The following ZNF462 variants were observed in gnomAD, a reference collection of about 807,000 sequenced individuals.
ZNF462 encodes the protein zinc finger protein 462.
In ZNF462, 10 loss-of-function variants were observed where a neutral mutation model predicts 201.9. The observed-to-expected ratio is 0.05, with a 90% confidence interval of 0.03 to 0.08. ZNF462 has a LOEUF of 0.08. Ranked by LOEUF, ZNF462 falls within the 10% of genes least tolerant of loss-of-function variation. The pLI is 1.00. For synonymous variants in ZNF462, 1,227 were observed against 1,193.3 expected (o/e 1.03, Z -0.58); for missense variants, 2,523 against 3,168.3 (o/e 0.80, Z 4.89).
Position 106,905,149 on chromosome 9 carries a change from T to C in ZNF462, c.-30-18205T>C, listed in dbSNP as rs1829215608. ...GTGTAGTACTCTCCCCCTTTTCCTA[T>C]GGATGTGGCTTCCTATGAGCCAAAC... is the stretch of plus-strand genomic sequence containing the variant. On this transcript the variant is annotated intron_variant, in intron 1 of 12. Transcript: ENST00000277225. This position sits in a 1 kb window ranked among gnomAD's most constrained non-coding sequence, Gnocchi z 5.9. Among the ~76,000 whole-genome samples the C allele has an allele frequency of 6.6e-6, 1 of 152,226 alleles. No homozygotes were observed.
At chr9:106,869,566 A>G (rs1484109645) in intron 1 of ZNF462, among the ~76,000 whole-genome samples, 1 of 152,218 alleles carries the variant, frequency 6.6e-6, no homozygotes, top group Non-Finnish European at 1.5e-5. Flanking sequence ...TTTTTAATCC[A>G]GGAGGCAGTC....
intron 1 of ZNF462, among the ~76,000 whole-genome samples, chr9:106,921,926 T>C (rs980768245): frequency 2.0e-5 from 3 of 152,124 alleles, no homozygotes; most frequent in African/African-American, 7.2e-5. Context: ...AAGGATAAAT[T>C]GCTGGGTGAA....
In ZNF462 at chr9:106,925,672, A is replaced by C; in HGVS notation, c.1760A>C (p.Gln587Pro). 6.2e-7 allele frequency: 1 copy of C among 1,614,116 alleles called. No homozygotes were observed. The highest frequency in any genetic ancestry group is 8.5e-7 in the Non-Finnish European group (1 of 1,180,002). The change falls in exon 3 of 13, where the codon CAG becomes CCG. Residue 587 changes from glutamine (Q) to proline (P), a missense_variant. Coordinates refer to ENST00000277225, the MANE Select transcript of ZNF462 (RefSeq NM_021224.6). This position sits in a 1 kb window ranked among gnomAD's most constrained non-coding sequence, Gnocchi z 7.9. ...CAAACACAGCCACCACCAACGCAGC[A>C]GCCACAGCCACCCACACAAGCCGCA... ...QPQTQPPPTQ[Q>P]PQPPTQAAPL... is the part of the protein sequence containing the mutation.
intron 1 of ZNF462, among the ~76,000 whole-genome samples, chr9:106,899,395 G>T (rs1828961328): frequency 6.6e-6 from 1 of 152,178 alleles, no homozygotes; most frequent in Non-Finnish European, 1.5e-5. Flanking sequence ...AGTGAGGACT[G>T]ACTCAAGAGC....
At chr9:106,943,002 G>T (rs1475441863) in intron 7 of ZNF462, among the ~76,000 whole-genome samples, 2 of 151,752 alleles carry the variant, frequency 1.3e-5, no homozygotes, top group Non-Finnish European at 2.9e-5. Flanking sequence ...ACAAAAATCA[G>T]ACCAGGTGCA....
intron 6 of ZNF462, among the ~76,000 whole-genome samples, chr9:106,936,856 G>A (rs1189574748): frequency 6.6e-6 from 1 of 152,210 alleles, no homozygotes; most frequent in East Asian, 1.9e-4. Context: ...GTATTAAGCT[G>A]AAGTGTCTGC....
rs1310101632 is a variant in ZNF462, at chr9:106,995,858, C to T, written c.7057-7436C>T. 2.6e-5 allele frequency among the ~76,000 whole-genome samples: 4 copies of T among 152,160 alleles called. No homozygotes were observed. In the East Asian group the frequency reaches 7.7e-4, roughly 29 times the overall value. On this transcript the variant is annotated intron_variant, in intron 10 of 12. Transcript: ENST00000277225. ...TACTTTAAGTTCTAGGGTACATGTG[C>T]ACAACGTGCAGGTTTGTCACATAGG...
rs1330239416 is a variant in ZNF462 at position 106,950,780 on chromosome 9, A to G, written c.6427+11673A>G. On this transcript the variant is annotated intron_variant, in intron 7 of 12. Transcript: ENST00000277225. The surrounding 1 kb of genome is among the most constrained non-coding windows in gnomAD (Gnocchi z 4.1). ...TATCTCCATAACGGAAGTCTGGAAA[A>G]CAATAACTCTTTAAAAAATTAAGTT... Among the ~76,000 whole-genome samples, 9 of 152,304 alleles carry G rather than the reference A, an allele frequency of 5.9e-5. No homozygotes were observed. In the East Asian group the frequency reaches 1.3e-3, roughly 23 times the overall value.
Position 106,932,759 on chromosome 9 carries a change from G to T in ZNF462, c.6116+210G>T. 3.1e-6 allele frequency: 2 copies of T among 638,198 alleles called. No homozygotes were observed. Among genetic ancestry groups the T allele is most frequent in the Admixed American group, 6.0e-5 (2 of 33,338 alleles). 39.5% of individuals were successfully genotyped at this position (638,198 alleles called of 1,614,324 possible). Reference sequence around the variant, plus strand: ...ATGGCGTTAGATTTGGCAAATGCAGGCATTTTAAAAATGAGAATTGGAGGA... The same window carrying T: ...ATGGCGTTAGATTTGGCAAATGCAGTCATTTTAAAAATGAGAATTGGAGGA... On this transcript the variant is annotated intron_variant, in intron 5 of 12. Transcript: ENST00000277225. The surrounding 1 kb of genome is among the most constrained non-coding windows in gnomAD (Gnocchi z 6.8).
intron 1 of ZNF462, among the ~76,000 whole-genome samples, chr9:106,907,924 C>T (rs1278626755): frequency 6.6e-6 from 1 of 151,980 alleles, no homozygotes; most frequent in African/African-American, 2.4e-5. Flanking sequence ...AAAAGTCATA[C>T]TCTACTGGTG....
intron 1 of ZNF462, among the ~76,000 whole-genome samples, chr9:106,901,079 T>C (rs935088621): frequency 3.3e-5 from 5 of 152,176 alleles, no homozygotes; most frequent in Admixed American, 6.5e-5. Flanking sequence ...TAAGAGATGA[T>C]CCAGTTTCAT....
At chr9:106,961,789 G>A (rs920314385) in intron 7 of ZNF462, among the ~76,000 whole-genome samples, 2 of 151,968 alleles carry the variant, frequency 1.3e-5, no homozygotes, top group South Asian at 2.1e-4. Context: ...TTTAATATGT[G>A]TATCTAGAAG....
Position 106,981,230 on chromosome 9 carries a change from C to T in ZNF462, c.6833-2956C>T, listed in dbSNP as rs1416541910. Reference sequence around the variant, plus strand: ...AGTTCAGCAGGGATTTGACCCTTTCCTCAAATGTAGAAGGTGCTTGAAAGA... The same window carrying T: ...AGTTCAGCAGGGATTTGACCCTTTCTTCAAATGTAGAAGGTGCTTGAAAGA... On this transcript the variant is annotated intron_variant, in intron 9 of 12. Transcript: ENST00000277225. This position sits in a 1 kb window ranked among gnomAD's most constrained non-coding sequence, Gnocchi z 4.0. Among the ~76,000 whole-genome samples, 1 of 152,152 alleles carries T rather than the reference C, an allele frequency of 6.6e-6. No homozygotes were observed. The highest frequency in any genetic ancestry group is 1.9e-4 in the East Asian group (1 of 5,200).
At position 106,926,565 on chromosome 9, in the gene ZNF462, G is replaced by T. The variant is rs1830200739; in HGVS notation, c.2653G>T (p.Val885Leu). Residue 885 changes from valine (V) to leucine (L), a missense_variant, in exon 3 of 13, where the codon GTG (valine) becomes TTG (leucine). Transcript: ENST00000277225. The surrounding 1 kb of genome is among the most constrained non-coding windows in gnomAD (Gnocchi z 7.9). The stretch of plus-strand genomic sequence containing the variant: ...CTTGGACCCCAATGATCACAGTGCA[G>T]TGTACAGGTGCCTGGAATGCTACAT... ...YILDPNDHSA[V>L]YRCLECYIDY... 6.2e-7 allele frequency: 1 copy of T among 1,614,030 alleles called. No homozygotes were observed. Among genetic ancestry groups the T allele is most frequent in the Non-Finnish European group, 8.5e-7 (1 of 1,180,034 alleles).
intron 1 of ZNF462, among the ~76,000 whole-genome samples, chr9:106,892,421 AT>A (rs1238013568): frequency 6.6e-6 from 1 of 152,152 alleles, no homozygotes; most frequent in African/African-American, 2.4e-5. Flanking sequence ...GCACATCCCC[AT>A]GCCCCACTCA....
intron 10 of ZNF462, among the ~76,000 whole-genome samples, chr9:106,999,616 G>T (rs1829025054): frequency 6.6e-6 from 1 of 152,166 alleles, no homozygotes; most frequent in South Asian, 2.1e-4. Context: ...GCATGAAGAA[G>T]TTGGATATAC....
Position 106,968,563 on chromosome 9 carries a change from G to A in ZNF462, c.6428-3442G>A, listed in dbSNP as rs563976230. On this transcript the variant is annotated intron_variant, in intron 7 of 12. Transcript: ENST00000277225. The surrounding 1 kb of genome is among the most constrained non-coding windows in gnomAD (Gnocchi z 4.0). ...GGTTGGTTGGTTGGTTGGTTGGTTG[G>A]TTGGGAATGTATGGTGATGCTAAGC... 2.6e-5 allele frequency among the ~76,000 whole-genome samples: 4 copies of A among 152,238 alleles called. No homozygotes were observed. The highest frequency in any genetic ancestry group is 6.5e-5 in the Admixed American group (1 of 15,296).
At chr9:106,976,915 AC>A (rs1287983931) in intron 9 of ZNF462, among the ~76,000 whole-genome samples, 9 of 152,134 alleles carry the variant, frequency 5.9e-5, no homozygotes, top group Admixed American at 5.2e-4. Context: ...TGGGATTTAA[AC>A]CCAGGCTTGT....
intron 10 of ZNF462, among the ~76,000 whole-genome samples, chr9:106,995,855 G>A (rs1452070078): frequency 1.3e-5 from 2 of 152,140 alleles, no homozygotes; most frequent in African/African-American, 4.8e-5. Context: ...TAGGGTACAT[G>A]TGCACAACGT....
Sources: gnomAD v4.1 joint callset for allele counts (sites outside exome capture counted in the v4.1 genomes callset) on GRCh38, gnomAD v4.1.1 for gene constraint, Gnocchi (gnomAD v3.1) non-coding constraint, MANE v1.5 for transcripts, NCBI Gene and HGNC (gene_info 2026-07-23, HGNC 2026-07-21) for gene names.